Variants in PLK4 observed in about 807,000 individuals in gnomAD.
The protein encoded by PLK4 is serine/threonine-protein kinase PLK4.
In PLK4, 51 loss-of-function variants were observed where a neutral mutation model predicts 103.0. That is an observed-to-expected ratio of 0.50 (90% CI 0.40 to 0.63). The LOEUF is 0.63. Among genes scored for constraint, PLK4 ranks in the 20% least tolerant of loss-of-function variants. The probability of loss-of-function intolerance (pLI) is 0.00; values close to 1 mark genes in which losing one functional copy is unlikely to be tolerated. For missense variants in PLK4, 1,054 were observed against 1,151.0 expected, an observed-to-expected ratio of 0.92 and a Z score of 1.22; for synonymous variants, 389 against 376.8, an observed-to-expected ratio of 1.03 and a Z score of -0.38.
intron 6 of PLK4, among the ~76,000 whole-genome samples, chr4:127,888,717 T>A (rs1390447735): frequency 6.6e-6 from 1 of 152,052 alleles, no homozygotes; most frequent in Non-Finnish European, 1.5e-5. Flanking sequence ...TCACAGAAGG[T>A]GAATTGGGAA....
At chr4:127,891,032 T>A in intron 7 of PLK4, 60 bp from the exon 8 acceptor site, 2 of 903,722 alleles carry the variant, frequency 2.2e-6, no homozygotes. Flanking sequence ...ATTATGTATG[T>A]CAGAGCTGTT....
At position 127,893,435 on chromosome 4, in the gene PLK4, A is replaced by G; in HGVS notation, c.2322+17A>G. On this transcript the variant is annotated intron_variant, in intron 11 of 15. Coordinates refer to ENST00000270861, the MANE Select transcript of PLK4 (RefSeq NM_014264.5). Reference sequence around the variant, plus strand: ...GCTAATGAGGTACATACCTAATTGTAGGTTTTTCATACCAATTAATAATGA... The same window carrying G: ...GCTAATGAGGTACATACCTAATTGTGGGTTTTTCATACCAATTAATAATGA... 1 of 1,601,724 alleles carries G rather than the reference A, an allele frequency of 6.2e-7. No homozygotes were observed. The highest frequency in any genetic ancestry group is 8.5e-7 in the Non-Finnish European group (1 of 1,173,742).
intron 15 of PLK4, among the ~76,000 whole-genome samples, chr4:127,897,825 T>G (rs1195694018): frequency 2.0e-5 from 1 of 49,580 alleles, no homozygotes; most frequent in South Asian, 9.4e-4. Context: ...GAATTAGGGC[T>G]TTTTTTTTTT....
chr4:127,885,958 C>T lies in PLK4; in HGVS notation c.588C>T (p.Ser196=), dbSNP rs748317107. Residue 196 remains serine (S), a synonymous_variant, in exon 5 of 16, where the codon TCC becomes TCT. Transcript: ENST00000270861. ...SAHGLESDVW[S]LGCMFYTLLI... ...ATGGCCTTGAATCTGATGTTTGGTC[C>T]CTGGGCTGTATGTTTTATACATTAC... is the stretch of plus-strand genomic sequence containing the variant. 2.5e-6 allele frequency: 4 copies of T among 1,613,952 alleles called. No homozygotes were observed. The African/African-American group carries it at 4.0e-5, about 16-fold the overall frequency.
Position 127,881,152 on chromosome 4 carries a change from G to C in PLK4, c.18G>C (p.Gly6=). 1 of 1,614,032 alleles carries C rather than the reference G, an allele frequency of 6.2e-7. No homozygotes were observed. The highest frequency in any genetic ancestry group is 2.2e-5 in the East Asian group (1 of 44,866). ...CTGGAAATATGGCGACCTGCATCGGGGAGAAGATCGAGGTGAAAAGACTCG... is the reference window on the plus strand; with the variant it reads ...CTGGAAATATGGCGACCTGCATCGGCGAGAAGATCGAGGTGAAAAGACTCG... MATCI[G]EKIEDFKVGN... Residue 6 remains glycine, a synonymous_variant, in exon 1 of 16, where the codon GGG becomes GGC. Transcript: ENST00000270861.
Position 127,891,157 on chromosome 4 carries a change from T to C in PLK4, c.1896T>C (p.Tyr632=), listed in dbSNP as rs1361668391. ...ELVKEYASQE[Y]VKEVLQISSD... is the part of the protein sequence containing the mutation. The stretch of plus-strand genomic sequence containing the variant: ...TAAAGGAGTATGCATCTCAAGAATA[T>C]GTGAAAGAAGTTCTTCAGATATCTA... Residue 632 remains tyrosine, a synonymous_variant, in exon 8 of 16, where the codon TAT becomes TAC. Coordinates refer to ENST00000270861, the MANE Select transcript of PLK4 (RefSeq NM_014264.5). The C allele has an allele frequency of 1.3e-6, 2 of 1,594,536 alleles. No individual in the cohort carries two copies. The highest frequency in any genetic ancestry group is 1.1e-5 in the South Asian group (1 of 89,364).
At chr4:127,892,835 C>T (rs1467771572) in intron 10 of PLK4, 1 of 209,386 alleles carries the variant, frequency 4.8e-6, no homozygotes, top group Non-Finnish European at 9.4e-6. Flanking sequence ...CTTAAATGGA[C>T]ATATACCAAA....
chr4:127,885,047 C>T (rs1020363734), intron 4 of PLK4, among the ~76,000 whole-genome samples: 1 of 151,744 alleles, frequency 6.6e-6, no homozygotes, highest in Non-Finnish European at 1.5e-5. Flanking sequence ...ATCGTTTGTG[C>T]AATTGTTTTT....
In PLK4 at chr4:127,889,923, G is replaced by A. The variant is rs201485470; in HGVS notation, c.1517G>A (p.Gly506Asp). ...DSISPNRDFQ[G>D]HPDLQKDTSK... ...ATCAGCCCAAACCGGGACTTCCAGG[G>A]CCATCCAGATTTGCAGAAGGACACA... Residue 506 changes from glycine (G) to aspartate (D), a missense_variant, in exon 7 of 16, where the codon GGC (glycine) becomes GAC (aspartate). By Grantham distance (94) the Gly-to-Asp change is moderately conservative. Coordinates refer to ENST00000270861, the MANE Select transcript of PLK4 (RefSeq NM_014264.5). The A allele has an allele frequency of 6.8e-6, 11 of 1,613,512 alleles. No homozygotes were observed. The highest frequency in any genetic ancestry group is 8.5e-6 in the Non-Finnish European group (10 of 1,179,746).
At chr4:127,897,159 C>T (rs1054042075) in intron 15 of PLK4, among the ~76,000 whole-genome samples, 1 of 152,090 alleles carries the variant, frequency 6.6e-6, no homozygotes, top group African/African-American at 2.4e-5. Context: ...CCTTACTGTT[C>T]CATAGTGTAA....
chr4:127,891,486 T>C, intron 8 of PLK4, 93 bp from the exon 9 acceptor site: 1 of 505,622 alleles, frequency 2.0e-6, no homozygotes, highest in Admixed American at 3.1e-5. Context: ...TAATATTTAA[T>C]GTTACATTTA....
intron 12 of PLK4, 64 bp downstream of exon 12, chr4:127,893,668 A>G: frequency 6.3e-7 from 1 of 1,586,338 alleles, no homozygotes. Flanking sequence ...TTTATATTAT[A>G]AACATTCTTT....
At chr4:127,891,018 A>C in intron 7 of PLK4, 74 bp from the exon 8 acceptor site, 1 of 772,326 alleles carries the variant, frequency 1.3e-6, no homozygotes, top group Non-Finnish European at 2.1e-6. Context: ...AAGTACTCCT[A>C]AGTATTATGT....
rs774394888 is a variant in PLK4, at chr4:127,886,275, T to G, written c.905T>G (p.Ile302Arg). ...ATTACAGCTTCTTCCAGTACCAGTA[T>G]AAGTGGTAGTTTATTTGACAAAAGA... The part of the protein sequence containing the change: ...TAITASSSTS[I>R]SGSLFDKRRL... Residue 302 changes from isoleucine (I) to arginine (R), a missense_variant, in exon 5 of 16, where the codon ATA (isoleucine) becomes AGA (arginine). By Grantham distance (97) the Ile-to-Arg change is moderately conservative. This residue lies in a region of PLK4 where 680 missense variants were observed against 660.3 expected (regional missense o/e 1.03). Transcript: ENST00000270861. 1 of 1,612,888 alleles carries G rather than the reference T, an allele frequency of 6.2e-7. No homozygotes were observed. The highest frequency in any genetic ancestry group is 8.5e-7 in the Non-Finnish European group (1 of 1,178,840).
At position 127,890,903 on chromosome 4, in the gene PLK4, C is replaced by G. The variant is rs548715698; in HGVS notation, c.1831-189C>G. ...TTCACACTTCATTATACATTCTTAACTTTGCACCATATGGTTCACAGTTGT... is the reference window on the plus strand; with the variant it reads ...TTCACACTTCATTATACATTCTTAAGTTTGCACCATATGGTTCACAGTTGT... On this transcript the variant is annotated intron_variant, in intron 7 of 15. Transcript: ENST00000270861. 99 of 392,038 alleles carry G rather than the reference C, an allele frequency of 2.5e-4. 1 individual carries two copies. Among genetic ancestry groups the G allele is most frequent in the East Asian group, 2.1e-3 (57 of 27,148 alleles). The allele number at this position is 392,038 out of a possible 1,614,324, so 24.3% of individuals were successfully genotyped here.
intron 5 of PLK4, 101 bp downstream of exon 5, chr4:127,886,829 T>A: frequency 1.5e-6 from 1 of 663,290 alleles, no homozygotes; most frequent in East Asian, 2.8e-5. Flanking sequence ...GAAATGAATG[T>A]CTAAAAAAAA....
chr4:127,881,868 T>C lies in PLK4; in HGVS notation c.68T>C (p.Phe23Ser). 6.2e-7 allele frequency: 1 copy of C among 1,610,770 alleles called. No homozygotes were observed. Among genetic ancestry groups the C allele is most frequent in the Non-Finnish European group, 8.5e-7 (1 of 1,176,930 alleles). The change falls in exon 2 of 16, where the codon TTT becomes TCT. Residue 23 changes from phenylalanine (F) to serine (S), a missense_variant. This residue lies in a region of PLK4 where 199 missense variants were observed against 270.1 expected (regional missense o/e 0.74). Transcript: ENST00000270861. ...KVGNLLGKGSFAGVYRAESIH... is the reference protein window; with the variant it reads ...KVGNLLGKGSSAGVYRAESIH... ...GGAAATCTGCTTGGTAAAGGATCATTTGCTGGTGTCTACAGAGCTGAGTCC... is the reference window on the plus strand; with the variant it reads ...GGAAATCTGCTTGGTAAAGGATCATCTGCTGGTGTCTACAGAGCTGAGTCC...
chr4:127,887,461 C>G lies in PLK4; in HGVS notation c.1424C>G (p.Thr475Ser). The G allele has an allele frequency of 6.2e-7, 1 of 1,609,634 alleles. No homozygotes were observed. The highest frequency in any genetic ancestry group is 1.3e-5 in the African/African-American group (1 of 74,874). ...GCAGACCCGACACCTCAGACTGAAACCGTACAACAGTGGTTTGGGAATCTG... is the reference window on the plus strand; with the variant it reads ...GCAGACCCGACACCTCAGACTGAAAGCGTACAACAGTGGTTTGGGAATCTG... ...PFADPTPQTE[T>S]VQQWFGNLQI... Residue 475 changes from threonine (T) to serine (S), a missense_variant, in exon 6 of 16, where the codon ACC becomes AGC. By Grantham distance (58) the Thr-to-Ser change is moderately conservative (BLOSUM62 1). Coordinates refer to ENST00000270861, the MANE Select transcript of PLK4 (RefSeq NM_014264.5).
intron 4 of PLK4, 149 bp from the exon 5 acceptor site, chr4:127,885,559 G>C: frequency 1.8e-6 from 1 of 552,276 alleles, no homozygotes; most frequent in Non-Finnish European, 3.2e-6. Context: ...GCTGGTAATT[G>C]AAGTGGCTGG....
Sources: allele counts gnomAD v4.1 joint callset (sites outside exome capture counted in the v4.1 genomes callset), GRCh38; gene constraint gnomAD v4.1.1; regional missense constraint gnomAD v4.1.1; transcripts MANE v1.5; gene names NCBI Gene and HGNC (gene_info 2026-07-23, HGNC 2026-07-21).